PTPN9: variants seen among roughly 807,000 people sequenced by gnomAD.
PTPN9 encodes the protein tyrosine-protein phosphatase non-receptor type 9.
Under a neutral mutation model 69.8 loss-of-function variants are expected in PTPN9, and 26 were observed. The observed-to-expected ratio is 0.37, with a 90% CI of 0.27 to 0.52. PTPN9 has a LOEUF of 0.52. PTPN9 is among the 20% of genes least tolerant of loss of function. PTPN9 has a pLI of 0.91. For synonymous variants in PTPN9, 274 were observed against 272.5 expected, an observed-to-expected ratio of 1.01 and a Z score of -0.05; for missense variants, 549 against 740.3, an observed-to-expected ratio of 0.74 and a Z score of 3.00.
chr15:75,548,209 T>G (rs1216126005), intron 1 of PTPN9, among the ~76,000 whole-genome samples: 1 of 152,064 alleles, frequency 6.6e-6, no homozygotes, highest in Non-Finnish European at 1.5e-5. Flanking sequence ...ATTACAGTGC[T>G]TTCAAAATGC....
chr15:75,505,657 C>T lies in PTPN9; in HGVS notation c.968+18G>A. On this transcript the variant is annotated intron_variant, in intron 7 of 12. Coordinates refer to ENST00000618819, the MANE Select transcript of PTPN9 (RefSeq NM_002833.4). ...GCATCCTGGTAACCAGCTGCTGGCC[C>T]AAACTTTTTCTACTTACATGGAACA... 1.9e-6 allele frequency: 3 copies of T among 1,598,640 alleles called. No individual in the cohort carries two copies. The highest frequency in any genetic ancestry group is 1.3e-5 in the African/African-American group (1 of 74,632).
At chr15:75,517,584 G>T (rs780872651) in intron 4 of PTPN9, among the ~76,000 whole-genome samples, 1 of 152,174 alleles carries the variant, frequency 6.6e-6, no homozygotes, top group Non-Finnish European at 1.5e-5. Context: ...CAAACTCGTA[G>T]GTTGAGAATG....
At position 75,517,243 on chromosome 15, in the gene PTPN9, C is replaced by T. The variant is rs778097825; in HGVS notation, c.528+16G>A. ...AAGCATTGAAGGAAACTTGAGAGGG[C>T]CCTCCATAGCCTTACCTTCAGCAGG... is the stretch of plus-strand genomic sequence containing the variant. On this transcript the variant is annotated intron_variant, in intron 5 of 12. Transcript: ENST00000618819. The T allele has an allele frequency of 2.9e-5, 46 of 1,573,604 alleles. No individual in the cohort carries two copies. The highest frequency in any genetic ancestry group is 3.9e-5 in the Non-Finnish European group (45 of 1,151,234).
Position 75,505,700 on chromosome 15 carries a change from G to A in PTPN9, c.943C>T (p.Pro315Ser). 2 of 1,613,954 alleles carry A rather than the reference G, an allele frequency of 1.2e-6. No homozygotes were observed. Among genetic ancestry groups the A allele is most frequent in the Non-Finnish European group, 1.7e-6 (2 of 1,179,956 alleles). ...EEYEDIRREN[P>S]VGTFHCSMSP... ...ATGGAACAGTGGAAAGTGCCAACAG[G>A]GTTCTCACGACGAATGTCTTCATAT... Residue 315 changes from proline (P) to serine (S), a missense_variant, in exon 7 of 13, where the codon CCT (proline) becomes TCT (serine). This residue lies in a region of PTPN9 where 457 missense variants were observed against 661.9 expected (regional missense o/e 0.69). Coordinates refer to ENST00000618819, the MANE Select transcript of PTPN9 (RefSeq NM_002833.4).
intron 2 of PTPN9, among the ~76,000 whole-genome samples, chr15:75,525,012 C>T (rs934421778): frequency 6.6e-6 from 1 of 151,874 alleles, no homozygotes; most frequent in Admixed American, 6.6e-5. Context: ...GGTTCTTAAA[C>T]ACGCAGCAGC....
intron 1 of PTPN9, among the ~76,000 whole-genome samples, chr15:75,576,447 G>A (rs1041282577): frequency 2.0e-5 from 3 of 151,782 alleles, no homozygotes; most frequent in African/African-American, 7.3e-5. Flanking sequence ...CAGGAGAATC[G>A]CTTGAACCCG....
Position 75,482,269 on chromosome 15 carries a change from T to A in PTPN9, c.1063-2355A>T, listed in dbSNP as rs190739202. On this transcript the variant is annotated intron_variant, in intron 8 of 12. Coordinates refer to ENST00000618819, the MANE Select transcript of PTPN9 (RefSeq NM_002833.4). ...AGATGCTTGAAGGCAGCATGCTCCT[T>A]AAGAGTCATCACCAGGCCGGGCGCG... Among the ~76,000 whole-genome samples, 249 of 151,942 alleles carry A rather than the reference T, an allele frequency of 1.6e-3. 3 individuals carry two copies. The East Asian group carries it at 0.045, about 27-fold the overall frequency.
chr15:75,559,551 T>C (rs569239036), intron 1 of PTPN9, among the ~76,000 whole-genome samples: 7 of 152,250 alleles, frequency 4.6e-5, no homozygotes, highest in South Asian at 2.1e-4. Context: ...ATGTGCTTTG[T>C]TGAACAGATG....
intron 7 of PTPN9, among the ~76,000 whole-genome samples, chr15:75,493,489 A>C (rs1292645262): frequency 6.6e-6 from 1 of 152,106 alleles, no homozygotes; most frequent in Non-Finnish European, 1.5e-5. Context: ...GGCCAGGCAC[A>C]GTAGCTCATG....
intron 7 of PTPN9, among the ~76,000 whole-genome samples, chr15:75,491,417 AT>A (rs898142488): frequency 5.9e-5 from 9 of 151,514 alleles, no homozygotes; most frequent in Non-Finnish European, 1.2e-4. Context: ...AAAAAAAAAA[AT>A]AATTAAATTT....
In PTPN9 at chr15:75,465,021, GAAAC is replaced by G. The variant is rs2074531104; in HGVS notation, c.*3744_*3747del. 1 of 152,188 alleles carries G rather than the reference GAAAC, an allele frequency of 6.6e-6. No homozygotes were observed. Among genetic ancestry groups the G allele is most frequent in the South Asian group, 2.1e-4 (1 of 4,834 alleles). 9.4% of individuals were successfully genotyped at this position (152,188 alleles called of 1,614,324 possible). On this transcript the variant is annotated 3_prime_UTR_variant, in exon 13 of 13. Coordinates refer to ENST00000618819, the MANE Select transcript of PTPN9 (RefSeq NM_002833.4). ...TAGCATGGGAATGTTAGAGAAAGGT[GAAAC>G]AAACAGCCATCAAATCAGAAGCAGA...
chr15:75,547,351 C>T (rs559135574), intron 1 of PTPN9, among the ~76,000 whole-genome samples: 2 of 148,496 alleles, frequency 1.3e-5, no homozygotes, highest in Non-Finnish European at 3.0e-5. Context: ...GTAATCCCAG[C>T]ACTTTGGGAG....
At position 75,527,115 on chromosome 15, in the gene PTPN9, T is replaced by C; in HGVS notation, c.207+3A>G. 1 of 1,614,138 alleles carries C rather than the reference T, an allele frequency of 6.2e-7. No individual in the cohort carries two copies. Among genetic ancestry groups the C allele is most frequent in the Non-Finnish European group, 8.5e-7 (1 of 1,180,022 alleles). On this transcript the variant is annotated splice_donor_region_variant and intron_variant, in intron 2 of 12. Coordinates refer to ENST00000618819, the MANE Select transcript of PTPN9 (RefSeq NM_002833.4). The stretch of plus-strand genomic sequence containing the variant: ...AGGTCTGGTCTACCCCTGAGCCACA[T>C]ACTCTGTAGGAGTGGAACAATTCTA...
intron 7 of PTPN9, among the ~76,000 whole-genome samples, chr15:75,503,052 C>T (rs922138548): frequency 6.6e-6 from 1 of 152,034 alleles, no homozygotes; most frequent in Non-Finnish European, 1.5e-5. Flanking sequence ...TCTGCCCGGC[C>T]ACCACCCCGT....
intron 2 of PTPN9, among the ~76,000 whole-genome samples, chr15:75,526,892 A>C (rs1244840664): frequency 6.6e-6 from 1 of 152,224 alleles, no homozygotes; most frequent in African/African-American, 2.4e-5. Flanking sequence ...CTCAATCATT[A>C]GATGTGGCAT....
intron 7 of PTPN9, among the ~76,000 whole-genome samples, chr15:75,492,528 C>T (rs1180823119): frequency 6.6e-6 from 1 of 152,140 alleles, no homozygotes; most frequent in Non-Finnish European, 1.5e-5. Flanking sequence ...GACCCATTCT[C>T]ATTGTCCTGA....
At position 75,468,584 on chromosome 15, in the gene PTPN9, A is replaced by G. The variant is rs1031443044; in HGVS notation, c.*185T>C. ...GAACACATTGCTACTGGCCCTTTCT[A>G]GTGGCAATTTCACCACATTTATCTA... On this transcript the variant is annotated 3_prime_UTR_variant, in exon 13 of 13. Transcript: ENST00000618819. 3 of 556,924 alleles carry G rather than the reference A, an allele frequency of 5.4e-6. No individual in the cohort carries two copies. The African/African-American group carries it at 5.6e-5, about 10-fold the overall frequency. 34.5% of individuals were successfully genotyped at this position (556,924 alleles called of 1,614,324 possible).
chr15:75,578,910 C>T lies in PTPN9; in HGVS notation c.-134G>A, dbSNP rs1402407080. The stretch of plus-strand genomic sequence containing the variant: ...CGCGCATAGTGTGGCCGGCAGGGCC[C>T]GGCGCCTGCAGCGGCCGCAAACGCC... On this transcript the variant is annotated 5_prime_UTR_variant, in exon 1 of 13. Coordinates refer to ENST00000618819, the MANE Select transcript of PTPN9 (RefSeq NM_002833.4). The T allele has an allele frequency of 6.2e-6, 3 of 480,656 alleles. No homozygotes were observed. Among genetic ancestry groups the T allele is most frequent in the East Asian group, 5.1e-5 (1 of 19,754 alleles). The allele number at this position is 480,656 out of a possible 1,614,324, so 29.8% of individuals were successfully genotyped here.
chr15:75,505,020 G>C (rs537208186), intron 7 of PTPN9, among the ~76,000 whole-genome samples: 10 of 152,242 alleles, frequency 6.6e-5, no homozygotes, highest in East Asian at 1.9e-4. Flanking sequence ...GAATAGAAAG[G>C]GGGGAAAGGT....
Sources: gnomAD v4.1 joint callset for allele counts (sites outside exome capture counted in the v4.1 genomes callset) on GRCh38, gnomAD v4.1.1 for gene constraint, gnomAD v4.1.1 regional missense constraint, MANE v1.5 for transcripts, NCBI Gene and HGNC (gene_info 2026-07-23, HGNC 2026-07-21) for gene names.